CENPK: variants seen among roughly 807,000 people sequenced by gnomAD.
The protein encoded by CENPK is SoxLZ/Sox6-binding protein Solt.
Under a neutral mutation model 40.9 loss-of-function variants are expected in CENPK, and 46 were observed. The observed-to-expected ratio is 1.13, with a 90% CI of 0.89 to 1.44. CENPK has a LOEUF of 1.44. Among genes scored for constraint, CENPK ranks in the 40% most tolerant of loss-of-function variants. The pLI is 0.00. For missense variants in CENPK, 288 were observed against 303.5 expected, an observed-to-expected ratio of 0.95 and a Z score of 0.38; for synonymous variants, 107 against 104.4, an observed-to-expected ratio of 1.02 and a Z score of -0.15.
At chr5:65,533,422 C>T (rs1042286924) in intron 6 of CENPK, among the ~76,000 whole-genome samples, 5 of 151,218 alleles carry the variant, frequency 3.3e-5, no homozygotes, top group African/African-American at 1.2e-4. Flanking sequence ...AGAAAATTTC[C>T]GCAATCTGCT....
intron 2 of CENPK, chr5:65,560,844 A>C (rs1348996284): frequency 2.0e-5 from 3 of 152,212 alleles, no homozygotes; most frequent in Non-Finnish European, 4.4e-5. Context: ...ATTCTTAGGA[A>C]TAATCCTAAA....
intron 10 of CENPK, among the ~76,000 whole-genome samples, 157 bp downstream of exon 10, chr5:65,521,317 AT>A (rs1010928703): frequency 3.3e-5 from 5 of 152,218 alleles, no homozygotes; most frequent in African/African-American, 4.8e-5. Flanking sequence ...ACAGAAACTA[AT>A]TTTATACCAA....
chr5:65,508,399 T>C, the CENPK span, among the ~76,000 whole-genome samples: 51,381 of 152,128 alleles, frequency 0.34, 9,304 homozygotes, highest in East Asian at 0.58. Context: ...TGAATATTTA[T>C]TTTATTCAGT....
the CENPK span, among the ~76,000 whole-genome samples, chr5:65,498,967 G>T: frequency 1.6e-4 from 25 of 151,732 alleles, no homozygotes; most frequent in Non-Finnish European, 1.6e-4. Flanking sequence ...CTTTCCTGTT[G>T]TCCTTCTTTC....
chr5:65,537,565 G>A (rs921118894), intron 6 of CENPK, among the ~76,000 whole-genome samples: 1 of 152,184 alleles, frequency 6.6e-6, no homozygotes, highest in Non-Finnish European at 1.5e-5. Context: ...TTCCCAAAGT[G>A]CTAGAATTAC....
At chr5:65,543,115 C>A (rs1748266196) in intron 5 of CENPK, among the ~76,000 whole-genome samples, 2 of 152,232 alleles carry the variant, frequency 1.3e-5, no homozygotes, top group African/African-American at 4.8e-5. Flanking sequence ...AGGCATCCAC[C>A]AACATGCCTG....
Position 65,561,460 on chromosome 5 carries a change from T to C in CENPK, c.-40+3A>G, listed in dbSNP as rs528743925. On this transcript the variant is annotated splice_donor_region_variant and intron_variant, in intron 2 of 10. Coordinates refer to ENST00000396679, the MANE Select transcript of CENPK (RefSeq NM_022145.5). ...TAGAAACATTTAAGAGTTTGCTCTC[T>C]ACCGCTTGAGGATGCAAGATGTAAG... 8 of 453,920 alleles carry C rather than the reference T, an allele frequency of 1.8e-5. No homozygotes were observed. The highest frequency in any genetic ancestry group is 1.6e-4 in the African/African-American group (8 of 50,056). The allele number at this position is 453,920 out of a possible 1,614,324, so 28.1% of individuals were successfully genotyped here.
the CENPK span, among the ~76,000 whole-genome samples, chr5:65,502,181 T>A: frequency 6.6e-6 from 1 of 152,180 alleles, no homozygotes; most frequent in Non-Finnish European, 1.5e-5. Context: ...GTGGTTATAG[T>A]TGAAAAGTTT....
At chr5:65,515,543 A>G (rs1742799765), downstream of CENPK, among the ~76,000 whole-genome samples, 1 of 152,156 alleles carries the variant, frequency 6.6e-6, no homozygotes, top group Non-Finnish European at 1.5e-5. Context: ...TCATTTATTT[A>G]GTTCAAAATA....
intron 6 of CENPK, among the ~76,000 whole-genome samples, chr5:65,536,615 C>A (rs1336094922): frequency 6.6e-6 from 1 of 150,860 alleles, no homozygotes; most frequent in Non-Finnish European, 1.5e-5. Flanking sequence ...AGAGTAATAA[C>A]CTGTTTCAAA....
chr5:65,556,533 T>A (rs994669273), intron 2 of CENPK, among the ~76,000 whole-genome samples: 3 of 152,234 alleles, frequency 2.0e-5, no homozygotes, highest in Admixed American at 6.5e-5. Context: ...AACATGTTTA[T>A]GTTTTAAGCT....
At position 65,540,042 on chromosome 5, in the gene CENPK, T is replaced by G. The variant is rs181242207; in HGVS notation, c.288+2760A>C. ...CTTGAACAACAGCACCTGGCTTCAGTTGAGATGGCTGACTAATCTCCTTAT... is the reference window on the plus strand; with the variant it reads ...CTTGAACAACAGCACCTGGCTTCAGGTGAGATGGCTGACTAATCTCCTTAT... On this transcript the variant is annotated intron_variant, in intron 6 of 10. Transcript: ENST00000396679. 1.4e-3 allele frequency among the ~76,000 whole-genome samples: 208 copies of G among 152,336 alleles called. 2 individuals carry two copies. Among genetic ancestry groups the G allele is most frequent in the African/African-American group, 4.8e-3 (198 of 41,578 alleles).
intron 3 of CENPK, 26 bp downstream of exon 3, chr5:65,554,771 T>C (rs1750708578): frequency 8.8e-7 from 1 of 1,137,592 alleles, no homozygotes; most frequent in African/African-American, 1.5e-5. Flanking sequence ...TTATATTAAC[T>C]ATCACTTCTA....
At chr5:65,550,335 TC>T (rs1175448803) in intron 5 of CENPK, 1 of 152,218 alleles carries the variant, frequency 6.6e-6, no homozygotes, top group African/African-American at 2.4e-5. Context: ...GTGCAACTCT[TC>T]TTTTCACTTA....
intron 5 of CENPK, among the ~76,000 whole-genome samples, chr5:65,545,388 T>C (rs1377675636): frequency 1.4e-5 from 2 of 145,756 alleles, no homozygotes; most frequent in Non-Finnish European, 3.0e-5. Context: ...ACACGCCTTC[T>C]CTATAAAGCA....
chr5:65,502,902 T>C, the CENPK span, among the ~76,000 whole-genome samples: 294 of 152,148 alleles, frequency 1.9e-3, 2 homozygotes, highest in African/African-American at 6.8e-3. Context: ...ACCTCCCAGG[T>C]TCAAGTGATT....
chr5:65,558,626 A>G (rs1308924627), intron 2 of CENPK, among the ~76,000 whole-genome samples: 5 of 152,236 alleles, frequency 3.3e-5, no homozygotes, highest in South Asian at 4.1e-4. Flanking sequence ...GGATAAAGTT[A>G]CAGGATTATT....
intron 9 of CENPK, among the ~76,000 whole-genome samples, chr5:65,522,308 C>T (rs187593838): frequency 7.7e-4 from 117 of 152,266 alleles, no homozygotes; most frequent in African/African-American, 2.7e-3. Context: ...CTTGGAACGA[C>T]GAGAATAAAT....
chr5:65,514,007 T>C (rs1742679114), downstream of CENPK, among the ~76,000 whole-genome samples: 2 of 152,174 alleles, frequency 1.3e-5, no homozygotes, highest in Admixed American at 6.5e-5. Context: ...GATAATGTAA[T>C]GGACTGTATG....
Sources: allele counts gnomAD v4.1 joint callset (sites outside exome capture counted in the v4.1 genomes callset), GRCh38; gene constraint gnomAD v4.1.1; transcripts MANE v1.5; gene names NCBI Gene and HGNC (gene_info 2026-07-23, HGNC 2026-07-21).